ZNF142: variants seen among roughly 807,000 people sequenced by gnomAD.
ZNF142 encodes the protein zinc finger protein 142 (clone pHZ-49).
ZNF142 carries 96 observed loss-of-function variants against 132.1 expected under a neutral mutation model. The observed-to-expected ratio is 0.73, with a 90% CI of 0.62 to 0.86. The LOEUF (loss-of-function observed/expected upper bound fraction) is 0.86. Ranked by LOEUF, ZNF142 falls within the 40% of genes least tolerant of loss-of-function variation. ZNF142 has a pLI of 0.00. For missense variants in ZNF142, 2,163 were observed against 2,336.2 expected (o/e 0.93, Z 1.53); for synonymous variants, 842 against 890.1 (o/e 0.95, Z 0.96).
In ZNF142 at chr2:218,640,284, C is replaced by G. The variant is rs3821032; in HGVS notation, c.5194+380G>C. ...AGGAGAAGAAAAGGACAGACTAGAA[C>G]AGGAGAATCCTTCACTTTCTCCTTT... is the stretch of plus-strand genomic sequence containing the variant. On this transcript the variant is annotated intron_variant, in intron 10 of 10. Transcript: ENST00000411696. Among the ~76,000 whole-genome samples the G allele has an allele frequency of 4.1e-4, 63 of 152,244 alleles. 1 individual carries two copies. In the East Asian group the frequency reaches 0.012, roughly 28 times the overall value.
In ZNF142 at chr2:218,636,984, C is replaced by T; in HGVS notation, c.*1355G>A. The T allele has an allele frequency of 2.2e-6, 1 of 450,680 alleles. No individual in the cohort carries two copies. The highest frequency in any genetic ancestry group is 1.6e-5 in the South Asian group (1 of 63,244). 27.9% of individuals were successfully genotyped at this position (450,680 alleles called of 1,614,324 possible). A position where few individuals can be genotyped will look rare whatever the true frequency, so the allele number is the denominator to read the frequency against. On this transcript the variant is annotated 3_prime_UTR_variant, in exon 11 of 11. Coordinates refer to ENST00000411696, the MANE Select transcript of ZNF142 (RefSeq NM_001379659.1). Reference sequence around the variant, plus strand: ...CTAAAGAAGCATCATCCCCTCCATCCCCAACTTCCTCAAAGCCCAAAGCCA... The same window carrying T: ...CTAAAGAAGCATCATCCCCTCCATCTCCAACTTCCTCAAAGCCCAAAGCCA...
chr2:218,635,412 C>T lies in ZNF142; in HGVS notation c.*2927G>A, dbSNP rs1696667452. Among the ~76,000 whole-genome samples, 1 of 152,174 alleles carries T rather than the reference C, an allele frequency of 6.6e-6. No homozygotes were observed. Among genetic ancestry groups the T allele is most frequent in the Non-Finnish European group, 1.5e-5 (1 of 68,034 alleles). ...GGAGTGCAGTGGCATGATCTTGGCT[C>T]ACTGCAACCTCCGCCTCCTGGGTTC... On this transcript the variant is annotated 3_prime_UTR_variant, in exon 11 of 11. Transcript: ENST00000411696.
intron 7 of ZNF142, among the ~76,000 whole-genome samples, chr2:218,647,710 C>T (rs1428047317): frequency 6.6e-6 from 1 of 152,188 alleles, no homozygotes; most frequent in African/African-American, 2.4e-5. Context: ...CTGGCACTGA[C>T]AGGCTGGGGG....
At position 218,644,953 on chromosome 2, in the gene ZNF142, G is replaced by A. The variant is rs1275585317; in HGVS notation, c.2163C>T (p.Cys721=). Residue 721 remains cysteine, a synonymous_variant, in exon 9 of 11, where the codon TGC becomes TGT. Transcript: ENST00000411696. The surrounding 1 kb of genome is among the most constrained non-coding windows in gnomAD (Gnocchi z 4.6). ...GCTTCTGCAGCTCATACTTCCGCTT[G>A]CAGGCGAAGGCACACACCTCACACA... The part of the protein sequence containing the change: ...SLMCEVCAFA[C]KRKYELQKHM... 1.9e-6 allele frequency: 3 copies of A among 1,614,082 alleles called. No individual in the cohort carries two copies. The African/African-American group carries it at 4.0e-5, about 22-fold the overall frequency.
chr2:218,633,508 G>A lies in ZNF142; in HGVS notation c.*4831C>T, dbSNP rs1310221760. 4.3e-6 allele frequency: 6 copies of A among 1,382,126 alleles called. No homozygotes were observed. In the Admixed American group the frequency reaches 5.2e-5, roughly 12 times the overall value. 85.6% of individuals were successfully genotyped at this position (1,382,126 alleles called of 1,614,324 possible). A position where few individuals can be genotyped will look rare whatever the true frequency, so the allele number is the denominator to read the frequency against. On this transcript the variant is annotated 3_prime_UTR_variant, in exon 11 of 11. Transcript: ENST00000411696. Reference sequence around the variant, plus strand: ...TGAGGCAGGAGGGAGAATACAGTGGGGAGGCAGTGGGCAGAGGTTTAGGTT... The same window carrying A: ...TGAGGCAGGAGGGAGAATACAGTGGAGAGGCAGTGGGCAGAGGTTTAGGTT...
In ZNF142 at chr2:218,643,946, G is replaced by A. The variant is rs1697498115; in HGVS notation, c.3170C>T (p.Thr1057Ile). ...REKALNLHSR[T>I]GCQGRREPLL... is the part of the protein sequence containing the mutation. ...GGGCTCTCGGCGGCCTTGGCACCCAGTCCTGGAGTGCAGATTCAGGGCCTT... is the reference window on the plus strand; with the variant it reads ...GGGCTCTCGGCGGCCTTGGCACCCAATCCTGGAGTGCAGATTCAGGGCCTT... The change falls in exon 9 of 11, where the codon ACT becomes ATT. Residue 1057 changes from threonine (T) to isoleucine (I), a missense_variant. Physicochemically the swap from Thr to Ile is moderately conservative, Grantham distance 89 (BLOSUM62 -1). Coordinates refer to ENST00000411696, the MANE Select transcript of ZNF142 (RefSeq NM_001379659.1). The A allele has an allele frequency of 6.2e-7, 1 of 1,614,156 alleles. No individual in the cohort carries two copies. The highest frequency in any genetic ancestry group is 8.5e-7 in the Non-Finnish European group (1 of 1,180,000).
At chr2:218,650,301 GT>G in intron 6 of ZNF142, 57 bp downstream of exon 6, 1 of 1,607,604 alleles carries the variant, frequency 6.2e-7, no homozygotes, top group Non-Finnish European at 8.5e-7. Flanking sequence ...CAATGGCAGG[GT>G]TTCAACAATC....
chr2:218,643,175 T>TGGCAGCTA lies in ZNF142; in HGVS notation c.3933_3940dup (p.Gln1314LeufsTer9). On this transcript the variant is annotated frameshift_variant, in exon 9 of 11. Coordinates refer to ENST00000411696, the MANE Select transcript of ZNF142 (RefSeq NM_001379659.1). LOFTEE classifies it high-confidence loss of function. ...GTGAGTCCTCAGAGCCCGTTCCTGCTGGCAGCTAAAGGGACATGTAGGGCA... is the reference window on the plus strand; with the variant it reads ...GTGAGTCCTCAGAGCCCGTTCCTGCTGGCAGCTAGGCAGCTAAAGGGACATGTAGGGCA... The TGGCAGCTA allele has an allele frequency of 6.2e-7, 1 of 1,614,248 alleles. No homozygotes were observed. Among genetic ancestry groups the TGGCAGCTA allele is most frequent in the Non-Finnish European group, 8.5e-7 (1 of 1,180,038 alleles).
At chr2:218,641,822 C>G (rs1697217978) in intron 9 of ZNF142, among the ~76,000 whole-genome samples, 1 of 152,176 alleles carries the variant, frequency 6.6e-6, no homozygotes, top group Non-Finnish European at 1.5e-5. Flanking sequence ...CAGGCGTGAG[C>G]CACATTATGG....
chr2:218,654,813 G>A (rs938684689), intron 4 of ZNF142, among the ~76,000 whole-genome samples: 17 of 151,564 alleles, frequency 1.1e-4, no homozygotes, highest in Admixed American at 8.5e-4. Context: ...TGCTGGGTGC[G>A]ATGGCTCATG....
intron 10 of ZNF142, among the ~76,000 whole-genome samples, chr2:218,639,793 T>C (rs6723798): frequency 0.68 from 100,541 of 147,062 alleles, 34,983 homozygotes; most frequent in East Asian, 0.94. Flanking sequence ...TGGTGGCTCA[T>C]GCCTGTAATC....
intron 5 of ZNF142, 111 bp from the exon 6 acceptor site, chr2:218,650,637 A>C: frequency 9.0e-7 from 1 of 1,112,654 alleles, no homozygotes; most frequent in East Asian, 2.6e-5. Context: ...TTTTAGCATA[A>C]GGAGATCTTG....
At chr2:218,650,556 A>T (rs1937890329) in intron 5 of ZNF142, 30 bp from the exon 6 acceptor site, 2 of 1,526,426 alleles carry the variant, frequency 1.3e-6, no homozygotes, top group Non-Finnish European at 1.8e-6. Context: ...GATAAAGTCT[A>T]CAGGAGCCAA....
At position 218,638,365 on chromosome 2, in the gene ZNF142, C is replaced by A; in HGVS notation, c.5638G>T (p.Ala1880Ser). 1 of 1,522,362 alleles carries A rather than the reference C, an allele frequency of 6.6e-7. No individual in the cohort carries two copies. 94.3% of individuals were successfully genotyped at this position (1,522,362 alleles called of 1,614,324 possible). The change falls in exon 11 of 11, where the codon GCT becomes TCT. Residue 1880 changes from alanine (A) to serine (S), a missense_variant. Around this residue, in one of 7 missense-constraint regions of ZNF142, gnomAD observed 325 missense variants for 367.8 expected, o/e 0.88. Transcript: ENST00000411696. ...LEDPSPPAPA[A>S]PHTGPEG ...CAGCCCTCAGGTCCAGTGTGGGGAGCGGCAGGAGCAGGAGGGCTGGGATCC... is the reference window on the plus strand; with the variant it reads ...CAGCCCTCAGGTCCAGTGTGGGGAGAGGCAGGAGCAGGAGGGCTGGGATCC...
In ZNF142 at chr2:218,654,653, C is replaced by G. The variant is rs543268940; in HGVS notation, c.280+1497G>C. On this transcript the variant is annotated intron_variant, in intron 4 of 10. Transcript: ENST00000411696. The stretch of plus-strand genomic sequence containing the variant: ...GTGCTAGGATTATAGGCATGAGCCA[C>G]CATGCCCAGCCACATCTCTTATTTT... Among the ~76,000 whole-genome samples, 4 of 152,238 alleles carry G rather than the reference C, an allele frequency of 2.6e-5. No individual in the cohort carries two copies. In the East Asian group the frequency reaches 7.7e-4, roughly 29 times the overall value.
At chr2:218,648,491 C>A in intron 7 of ZNF142, 144 bp downstream of exon 7, 1 of 776,594 alleles carries the variant, frequency 1.3e-6, no homozygotes, top group African/African-American at 1.7e-5. Flanking sequence ...TGACACTCAA[C>A]TTAAGGCTCA....
At position 218,646,187 on chromosome 2, in the gene ZNF142, GT is replaced by G. The variant is rs1697709617; in HGVS notation, c.2034del (p.Lys678AsnfsTer23). 10 of 1,613,802 alleles carry G rather than the reference GT, an allele frequency of 6.2e-6. No individual in the cohort carries two copies. Among genetic ancestry groups the G allele is most frequent in the Non-Finnish European group, 7.6e-6 (9 of 1,179,988 alleles). ...GTGTTGTACCTGAGGTCCCCTGCATGTTTTCGCATGTGCACACGGAGGTAGT... is the reference window on the plus strand; with the variant it reads ...GTGTTGTACCTGAGGTCCCCTGCATGTTTCGCATGTGCACACGGAGGTAGT... ...WKHYLRVHMR[K>X]HAGDLRYQCN... On this transcript the variant is annotated frameshift_variant, in exon 8 of 11. Transcript: ENST00000411696. LOFTEE classifies it high-confidence loss of function.
rs1210592837 is a variant in ZNF142 at position 218,635,915 on chromosome 2, C to T, written c.*2424G>A. 3 of 1,613,880 alleles carry T rather than the reference C, an allele frequency of 1.9e-6. No homozygotes were observed. The highest frequency in any genetic ancestry group is 2.5e-6 in the Non-Finnish European group (3 of 1,179,908). ...TAGACACAGCACGGCAGGAGACCAA[C>T]TATGTGGAGAACAATGGTGAGAAAC... On this transcript the variant is annotated 3_prime_UTR_variant, in exon 11 of 11. Transcript: ENST00000411696.
At chr2:218,640,891 G>C in intron 9 of ZNF142, 122 bp from the exon 10 acceptor site, 1 of 736,774 alleles carries the variant, frequency 1.4e-6, no homozygotes, top group South Asian at 1.8e-5. Context: ...AGACATTATG[G>C]AACTTTGTTT....
Sources: gnomAD v4.1 joint callset for allele counts (sites outside exome capture counted in the v4.1 genomes callset) on GRCh38, gnomAD v4.1.1 for gene constraint, gnomAD v4.1.1 regional missense constraint, Gnocchi (gnomAD v3.1) non-coding constraint, MANE v1.5 for transcripts, NCBI Gene and HGNC (gene_info 2026-07-23, HGNC 2026-07-21) for gene names.